The following CABIN1 variants were observed in gnomAD, a reference collection of about 807,000 sequenced individuals.
The protein encoded by CABIN1 is calcineurin-binding protein cabin-1.
CABIN1 carries 133 observed loss-of-function variants against 227.7 expected under a neutral mutation model. The ratio of observed to expected loss-of-function variants is 0.58; its 90% CI spans 0.51 to 0.67. CABIN1 has a LOEUF of 0.67. CABIN1 is among the 30% of genes least tolerant of loss of function. The pLI, the probability that CABIN1 is intolerant of heterozygous loss-of-function variation, is 0.00. For synonymous variants in CABIN1, 1,086 were observed against 1,155.1 expected, an observed-to-expected ratio of 0.94 and a Z score of 1.21; for missense variants, 2,408 against 2,852.5, an observed-to-expected ratio of 0.84 and a Z score of 3.55.
intron 8 of CABIN1, among the ~76,000 whole-genome samples, chr22:24,053,625 C>T (rs535297987): frequency 2.6e-5 from 4 of 152,194 alleles, no homozygotes; most frequent in East Asian, 1.9e-4. Context: ...GTGATCTACC[C>T]GCCTCGGCCT....
intron 1 of CABIN1, among the ~76,000 whole-genome samples, chr22:24,033,143 T>C (rs1214742077): frequency 6.6e-6 from 1 of 152,182 alleles, no homozygotes; most frequent in Non-Finnish European, 1.5e-5. Flanking sequence ...TTCTTTTTTT[T>C]CTAAATGTGG....
chr22:24,015,270 C>CAAAA (rs1199906542), intron 1 of CABIN1, among the ~76,000 whole-genome samples: 17 of 50,638 alleles, frequency 3.4e-4, no homozygotes, highest in African/African-American at 6.4e-4. Flanking sequence ...AATCCATCTC[C>CAAAA]AAAAAAAAAA....
At chr22:24,176,794 A>AC in intron 35 of CABIN1, among the ~76,000 whole-genome samples, 1 of 152,278 alleles carries the variant, frequency 6.6e-6, no homozygotes, top group Admixed American at 6.5e-5. Context: ...AACCAGCCAG[A>AC]CCCCTTGGGG....
intron 28 of CABIN1, among the ~76,000 whole-genome samples, chr22:24,120,560 G>A (rs774867189): frequency 6.6e-6 from 1 of 152,140 alleles, no homozygotes; most frequent in Non-Finnish European, 1.5e-5. Context: ...GGTGGCTCAC[G>A]CCTGTAATCC....
chr22:24,054,481 A>T (rs1249244279), intron 8 of CABIN1, among the ~76,000 whole-genome samples: 1 of 152,214 alleles, frequency 6.6e-6, no homozygotes, highest in Non-Finnish European at 1.5e-5. Flanking sequence ...CATAAAACAG[A>T]TTCGTGGCAG....
chr22:24,097,677 T>G (rs747211419), intron 25 of CABIN1, among the ~76,000 whole-genome samples: 2 of 152,270 alleles, frequency 1.3e-5, no homozygotes, highest in Admixed American at 1.3e-4. Flanking sequence ...TTTGTCAGGC[T>G]GTCACACAGA....
chr22:24,017,117 A>G (rs538416863), intron 1 of CABIN1, among the ~76,000 whole-genome samples: 1 of 148,658 alleles, frequency 6.7e-6, no homozygotes, highest in Admixed American at 6.7e-5. Context: ...GCTCACTGCA[A>G]CCTCCACCTC....
At chr22:24,023,457 A>T (rs547793780) in intron 1 of CABIN1, among the ~76,000 whole-genome samples, 7 of 152,310 alleles carry the variant, frequency 4.6e-5, no homozygotes, top group African/African-American at 1.7e-4. Context: ...AGGAACTACT[A>T]AACTGTTTTC....
chr22:24,094,884 G>C (rs2041794704), intron 24 of CABIN1, among the ~76,000 whole-genome samples: 1 of 150,256 alleles, frequency 6.7e-6, no homozygotes, highest in Non-Finnish European at 1.5e-5. Flanking sequence ...TTTTAACTCT[G>C]TCCTGACAAA....
chr22:24,168,670 C>A, intron 33 of CABIN1, 149 bp downstream of exon 33: 2 of 745,090 alleles, frequency 2.7e-6, no homozygotes, highest in East Asian at 5.4e-5. Context: ...GGCAGCTGAG[C>A]CTCCAGCACG....
At chr22:24,162,869 T>C (rs2046237040) in intron 29 of CABIN1, among the ~76,000 whole-genome samples, 1 of 152,068 alleles carries the variant, frequency 6.6e-6, no homozygotes, top group Admixed American at 6.6e-5. Context: ...TCCTCACGGG[T>C]GTGTCTGTTG....
At chr22:24,123,048 T>C (rs2043513313) in intron 28 of CABIN1, among the ~76,000 whole-genome samples, 1 of 152,160 alleles carries the variant, frequency 6.6e-6, no homozygotes, top group East Asian at 1.9e-4. Context: ...CACTCATAGT[T>C]TGCCATTTTG....
intron 1 of CABIN1, among the ~76,000 whole-genome samples, chr22:24,022,695 C>A (rs543888005): frequency 1.5e-4 from 23 of 152,294 alleles, no homozygotes; most frequent in African/African-American, 4.8e-4. Flanking sequence ...ATTTTCCATT[C>A]CTATCAGCAG....
In CABIN1 at chr22:24,035,455, A is replaced by C; in HGVS notation, c.-63A>C. The C allele has an allele frequency of 6.2e-7, 1 of 1,611,458 alleles. No homozygotes were observed. The highest frequency in any genetic ancestry group is 8.5e-7 in the Non-Finnish European group (1 of 1,177,662). The stretch of plus-strand genomic sequence containing the variant: ...TATTTCCTTTCTAGGAGAGTTGTGG[A>C]CTGGGGCAACCTTTGCCAGTGATGA... On this transcript the variant is annotated 5_prime_UTR_variant, in exon 2 of 37. Transcript: ENST00000263119.
intron 15 of CABIN1, among the ~76,000 whole-genome samples, chr22:24,066,076 G>C (rs1163970408): frequency 6.6e-6 from 1 of 152,180 alleles, no homozygotes; most frequent in Non-Finnish European, 1.5e-5. Context: ...GGTTTTAAAT[G>C]GTATTTTTTA....
At chr22:24,163,769 C>T (rs1407623572) in intron 29 of CABIN1, among the ~76,000 whole-genome samples, 1 of 152,170 alleles carries the variant, frequency 6.6e-6, no homozygotes, top group Non-Finnish European at 1.5e-5. Context: ...GTAGGGGGTG[C>T]CCAGTGCTGC....
At chr22:24,063,477 A>G (rs1251279567) in intron 14 of CABIN1, among the ~76,000 whole-genome samples, 1 of 152,132 alleles carries the variant, frequency 6.6e-6, no homozygotes, top group Non-Finnish European at 1.5e-5. Flanking sequence ...TGTTTTCCTG[A>G]GAGAGCCCGA....
chr22:24,076,264 G>A lies in CABIN1; in HGVS notation c.2728G>A (p.Gly910Arg), dbSNP rs2040434164. Residue 910 changes from glycine to arginine, a missense_variant, in exon 19 of 37, where the codon GGG becomes AGG. Coordinates refer to ENST00000263119, the MANE Select transcript of CABIN1 (RefSeq NM_012295.4). ...AAGGTCCTGGTGCTGCAATTCAGAT[G>A]GGGCTCTGCTGCGATTCTATGTAAG... ...GRRSWCCNSD[G>R]ALLRFYVRVL... 6.2e-7 allele frequency: 1 copy of A among 1,614,056 alleles called. No homozygotes were observed. Among genetic ancestry groups the A allele is most frequent in the East Asian group, 2.2e-5 (1 of 44,878 alleles).
intron 34 of CABIN1, 129 bp from the exon 35 acceptor site, chr22:24,175,982 C>A: frequency 9.0e-7 from 1 of 1,105,648 alleles, no homozygotes; most frequent in Non-Finnish European, 1.3e-6. Context: ...AGCCAGGACC[C>A]CAGCATTGGC....
Sources: allele counts gnomAD v4.1 joint callset (sites outside exome capture counted in the v4.1 genomes callset), GRCh38; gene constraint gnomAD v4.1.1; transcripts MANE v1.5; gene names NCBI Gene and HGNC (gene_info 2026-07-23, HGNC 2026-07-21).